The following LPAR1 variants were observed in gnomAD, a reference collection of about 807,000 sequenced individuals.
The protein encoded by LPAR1 is lysophosphatidic acid receptor 1.
A neutral mutation model predicts 23.8 loss-of-function variants in LPAR1; 5 were observed. The observed-to-expected ratio is 0.21, with a 90% CI of 0.11 to 0.44. LPAR1 has a LOEUF of 0.44. Among genes scored for constraint, LPAR1 ranks in the 20% least tolerant of loss-of-function variants. The probability of loss-of-function intolerance (pLI) is 0.99; values close to 1 mark genes in which losing one functional copy is unlikely to be tolerated. For missense variants in LPAR1, 311 were observed against 482.8 expected, an observed-to-expected ratio of 0.64 and a Z score of 3.33; for synonymous variants, 160 against 164.7, an observed-to-expected ratio of 0.97 and a Z score of 0.22.
intron 5 of LPAR1, among the ~76,000 whole-genome samples, chr9:110,904,792 T>C (rs1262362119): frequency 6.6e-6 from 1 of 152,242 alleles, no homozygotes; most frequent in Non-Finnish European, 1.5e-5. Context: ...CTATACATTA[T>C]TACAGGTTTT....
chr9:111,016,865 C>T (rs982498025), intron 2 of LPAR1, among the ~76,000 whole-genome samples: 6 of 152,206 alleles, frequency 3.9e-5, no homozygotes, highest in Admixed American at 2.6e-4. Flanking sequence ...CTGAGATAAG[C>T]AATTGGCATT....
At chr9:110,974,488 T>C (rs1389219642) in intron 2 of LPAR1, among the ~76,000 whole-genome samples, 1 of 152,222 alleles carries the variant, frequency 6.6e-6, no homozygotes, top group Non-Finnish European at 1.5e-5. Context: ...CAGCAACTTC[T>C]ATAAGCTTAA....
At chr9:110,894,638 T>G (rs1227562506) in intron 5 of LPAR1, among the ~76,000 whole-genome samples, 1 of 152,168 alleles carries the variant, frequency 6.6e-6, no homozygotes, top group African/African-American at 2.4e-5. Context: ...AGGCTGTCCT[T>G]TAATCTGAAA....
chr9:110,949,762 A>G (rs1216929176), intron 4 of LPAR1, among the ~76,000 whole-genome samples: 1 of 152,242 alleles, frequency 6.6e-6, no homozygotes, highest in Non-Finnish European at 1.5e-5. Flanking sequence ...TCAAATATGT[A>G]TCTTCAAGAT....
intron 2 of LPAR1, among the ~76,000 whole-genome samples, chr9:111,003,641 G>T (rs1212011783): frequency 6.6e-6 from 1 of 152,112 alleles, no homozygotes; most frequent in Admixed American, 6.5e-5. Flanking sequence ...GGACTAAAAA[G>T]TGGTGGCTGC....
chr9:110,942,394 G>C (rs1234829962), intron 4 of LPAR1, among the ~76,000 whole-genome samples: 1 of 152,126 alleles, frequency 6.6e-6, no homozygotes, highest in East Asian at 1.9e-4. Flanking sequence ...TAAATGACAA[G>C]GTCTCTGCTT....
chr9:111,024,824 G>A (rs1304083089), intron 2 of LPAR1, among the ~76,000 whole-genome samples: 4 of 151,906 alleles, frequency 2.6e-5, no homozygotes, highest in Admixed American at 6.6e-5. Context: ...TCTTGTGTTA[G>A]TTTGCTGAGA....
At chr9:110,969,827 G>A (rs984577714) in intron 4 of LPAR1, among the ~76,000 whole-genome samples, 6 of 152,012 alleles carry the variant, frequency 3.9e-5, no homozygotes, top group African/African-American at 1.4e-4. Flanking sequence ...GTACTTCTTG[G>A]TTTGCAACCA....
chr9:110,971,954 C>A, intron 4 of LPAR1, 119 bp downstream of exon 4: 2 of 862,478 alleles, frequency 2.3e-6, no homozygotes, highest in Non-Finnish European at 3.8e-6. Flanking sequence ...GAATACACAC[C>A]AAATGATAGC....
intron 2 of LPAR1, among the ~76,000 whole-genome samples, chr9:110,982,676 G>A (rs969272137): frequency 1.4e-4 from 21 of 150,558 alleles, no homozygotes; most frequent in African/African-American, 4.4e-4. Flanking sequence ...GATATAAATC[G>A]CAGGACATAA....
chr9:110,958,317 G>C (rs557848312), intron 4 of LPAR1, among the ~76,000 whole-genome samples: 1 of 152,238 alleles, frequency 6.6e-6, no homozygotes, highest in South Asian at 2.1e-4. Context: ...CACACTATCT[G>C]ACTTCAAAAT....
chr9:110,930,456 G>C (rs10117729), intron 5 of LPAR1, among the ~76,000 whole-genome samples: 98,915 of 151,818 alleles, frequency 0.65, 33,534 homozygotes, highest in East Asian at 0.97. Flanking sequence ...TTGCAGTGAG[G>C]TGGAGATTGC....
chr9:110,930,235 C>T (rs1055638216), intron 5 of LPAR1, among the ~76,000 whole-genome samples: 2 of 152,082 alleles, frequency 1.3e-5, no homozygotes, highest in African/African-American at 2.4e-5. Flanking sequence ...AATCCCTTTC[C>T]ACCGGACGTG....
At position 110,885,199 on chromosome 9, in the gene LPAR1, T is replaced by C. The variant is rs146892423; in HGVS notation, c.794-9477A>G. On this transcript the variant is annotated intron_variant, in intron 5 of 5. Coordinates refer to ENST00000683809, the MANE Select transcript of LPAR1 (RefSeq NM_001351411.2). Reference sequence around the variant, plus strand: ...GAGTTTATTTGACGTTATTTTGTGTTTCCTATACTATCACTGTTTCCATGT... The same window carrying C: ...GAGTTTATTTGACGTTATTTTGTGTCTCCTATACTATCACTGTTTCCATGT... 1.1e-3 allele frequency among the ~76,000 whole-genome samples: 170 copies of C among 152,354 alleles called. 1 individual carries two copies. The highest frequency in any genetic ancestry group is 4.0e-3 in the African/African-American group (165 of 41,576).
intron 5 of LPAR1, among the ~76,000 whole-genome samples, chr9:110,887,777 A>C (rs1416031819): frequency 6.6e-6 from 1 of 152,196 alleles, no homozygotes; most frequent in Non-Finnish European, 1.5e-5. Context: ...TTGCAAAGCA[A>C]ATTCTGACTA....
intron 2 of LPAR1, among the ~76,000 whole-genome samples, chr9:111,001,776 G>A (rs1039520086): frequency 4.6e-5 from 7 of 152,156 alleles, no homozygotes; most frequent in Non-Finnish European, 8.8e-5. Flanking sequence ...TAAAAAGACC[G>A]TGCTTGAAGA....
intron 5 of LPAR1, among the ~76,000 whole-genome samples, chr9:110,913,211 A>G (rs2092675992): frequency 6.6e-6 from 1 of 152,196 alleles, no homozygotes; most frequent in African/African-American, 2.4e-5. Context: ...CTATGTATCT[A>G]CGTAGATACC....
At chr9:110,978,230 A>G (rs2096600716) in intron 2 of LPAR1, among the ~76,000 whole-genome samples, 1 of 152,156 alleles carries the variant, frequency 6.6e-6, no homozygotes, top group Admixed American at 6.5e-5. Flanking sequence ...CTAACCAGAA[A>G]AGAAAATCTG....
At chr9:111,008,297 C>G (rs1016569993) in intron 2 of LPAR1, among the ~76,000 whole-genome samples, 1 of 152,122 alleles carries the variant, frequency 6.6e-6, no homozygotes, top group Admixed American at 6.6e-5. Flanking sequence ...GAAAACTCTT[C>G]TAGCACAAAA....
Sources: gnomAD v4.1 joint callset for allele counts (sites outside exome capture counted in the v4.1 genomes callset) on GRCh38, gnomAD v4.1.1 for gene constraint, MANE v1.5 for transcripts, NCBI Gene and HGNC (gene_info 2026-07-23, HGNC 2026-07-21) for gene names.